Variants in CDKN3 observed in about 807,000 individuals in gnomAD.
The protein encoded by CDKN3 is cyclin dependent kinase inhibitor 3, also known as cyclin-dependent kinase inhibitor 3.
CDKN3 carries 19 observed loss-of-function variants against 36.1 expected under a neutral mutation model. The observed-to-expected ratio is 0.53, with a 90% CI of 0.37 to 0.77. CDKN3 has a LOEUF of 0.77. Among genes scored for constraint, CDKN3 ranks in the 30% least tolerant of loss-of-function variants. CDKN3 has a pLI of 0.00. For missense variants in CDKN3, 188 were observed against 248.6 expected (o/e 0.76, Z 1.64); for synonymous variants, 71 against 85.3 (o/e 0.83, Z 0.92).
Position 54,411,785 on chromosome 14 carries a change from T to C in CDKN3, c.416+79T>C, listed in dbSNP as rs4251638. 3 of 884,984 alleles carry C rather than the reference T, an allele frequency of 3.4e-6. No individual in the cohort carries two copies. The East Asian group carries it at 7.7e-5, about 23-fold the overall frequency. The allele number at this position is 884,984 out of a possible 1,614,324, so 54.8% of individuals were successfully genotyped here. A position where few individuals can be genotyped will look rare whatever the true frequency, so the allele number is the denominator to read the frequency against. On this transcript the variant is annotated intron_variant, in intron 5 of 7. Coordinates refer to ENST00000335183, the MANE Select transcript of CDKN3 (RefSeq NM_005192.4). The stretch of plus-strand genomic sequence containing the variant: ...CTGGAATTATGGTAGCCCTATTCAG[T>C]TATCACCTACTTCATAGTTTGTTGT...
At position 54,411,873 on chromosome 14, in the gene CDKN3, A is replaced by T. The variant is rs1248852733; in HGVS notation, c.416+167A>T. On this transcript the variant is annotated intron_variant, in intron 5 of 7. Transcript: ENST00000335183. ...GCACAATGTCTGGTACAGGGTAAGT[A>T]GTCAAATACGTGCTGTTATTACTTT... The T allele has an allele frequency of 6.0e-6, 4 of 668,384 alleles. No individual in the cohort carries two copies. In the African/African-American group the frequency reaches 7.2e-5, roughly 12 times the overall value. The allele number at this position is 668,384 out of a possible 1,614,324, so 41.4% of individuals were successfully genotyped here.
rs2030438250 is a variant in CDKN3 at position 54,413,742 on chromosome 14, T to TC, written c.416+2037dup. 3.6e-5 allele frequency: 55 copies of TC among 1,519,464 alleles called. No homozygotes were observed. In the South Asian group the frequency reaches 6.6e-4, roughly 18 times the overall value. 94.1% of individuals were successfully genotyped at this position (1,519,464 alleles called of 1,614,324 possible). On this transcript the variant is annotated intron_variant, in intron 5 of 7. Coordinates refer to ENST00000335183, the MANE Select transcript of CDKN3 (RefSeq NM_005192.4). Reference sequence around the variant, plus strand: ...GTAAACCTTTTTCACTGACCTGTTGTCTACCAGTGCTGTCTCACTGGTTCT... The same window carrying TC: ...GTAAACCTTTTTCACTGACCTGTTGTCCTACCAGTGCTGTCTCACTGGTTCT...
chr14:54,411,340 A>G (rs2139981131), intron 4 of CDKN3, 144 bp from the exon 5 acceptor site: 1 of 630,176 alleles, frequency 1.6e-6, no homozygotes, highest in Admixed American at 3.0e-5. Flanking sequence ...ATTCAGACAT[A>G]TCAATAGGCA....
At chr14:54,413,775 C>T in intron 5 of CDKN3, 1 of 1,443,320 alleles carries the variant, frequency 6.9e-7, no homozygotes, top group South Asian at 1.5e-5. Context: ...TCTGCCTGGA[C>T]ATTTGCAGCC....
rs375159416 is a variant in CDKN3 at position 54,418,076 on chromosome 14, T to G, written c.552+125T>G. 1.0e-4 allele frequency: 69 copies of G among 686,292 alleles called. No individual in the cohort carries two copies. In the African/African-American group the frequency reaches 1.0e-3, roughly 10 times the overall value. The allele number at this position is 686,292 out of a possible 1,614,324, so 42.5% of individuals were successfully genotyped here. A position where few individuals can be genotyped will look rare whatever the true frequency, so the allele number is the denominator to read the frequency against. ...GCAGTGAAATGAAAATCCAAAGCACTCTGTTATTCAAATACCACTTGCTTA... is the reference window on the plus strand; with the variant it reads ...GCAGTGAAATGAAAATCCAAAGCACGCTGTTATTCAAATACCACTTGCTTA... On this transcript the variant is annotated intron_variant, in intron 7 of 7. Coordinates refer to ENST00000335183, the MANE Select transcript of CDKN3 (RefSeq NM_005192.4).
At chr14:54,418,886 G>A (rs562793905) in intron 7 of CDKN3, among the ~76,000 whole-genome samples, 24 of 152,152 alleles carry the variant, frequency 1.6e-4, no homozygotes, top group African/African-American at 4.6e-4. Context: ...GCGGCCAGGC[G>A]CGGTGGCTCA....
At chr14:54,416,418 A>G (rs1055607623) in intron 6 of CDKN3, among the ~76,000 whole-genome samples, 3 of 152,254 alleles carry the variant, frequency 2.0e-5, no homozygotes, top group Admixed American at 6.5e-5. Flanking sequence ...AAAGAATACT[A>G]TCAAAATGAC....
intron 6 of CDKN3, among the ~76,000 whole-genome samples, chr14:54,416,895 A>G (rs543564230): frequency 1.3e-5 from 2 of 152,354 alleles, no homozygotes; most frequent in East Asian, 1.9e-4. Flanking sequence ...TTCTACATGC[A>G]AGATACACAT....
intron 3 of CDKN3, 138 bp downstream of exon 3, chr14:54,401,717 G>A: frequency 3.3e-6 from 2 of 601,768 alleles, no homozygotes; most frequent in East Asian, 3.0e-5. Flanking sequence ...AAATTTTGGT[G>A]CACCCATCAC....
chr14:54,405,815 T>C (rs1248566323), intron 3 of CDKN3, among the ~76,000 whole-genome samples: 1 of 152,246 alleles, frequency 6.6e-6, no homozygotes, highest in African/African-American at 2.4e-5. Flanking sequence ...TGTCTTTTAA[T>C]TGGGGCATTT....
chr14:54,407,366 G>A lies in CDKN3; in HGVS notation c.149-1379G>A, dbSNP rs4251616. 3.8e-3 allele frequency among the ~76,000 whole-genome samples: 584 copies of A among 152,334 alleles called. 5 individuals are homozygous for A. Among genetic ancestry groups the A allele is most frequent in the African/African-American group, 0.013 (532 of 41,572 alleles). On this transcript the variant is annotated intron_variant, in intron 3 of 7. Transcript: ENST00000335183. Reference sequence around the variant, plus strand: ...GGCAGTCTGTCCCTTAGCAAAGCTCGAGCACTGTGCTGGGAGATCTGTTGC... The same window carrying A: ...GGCAGTCTGTCCCTTAGCAAAGCTCAAGCACTGTGCTGGGAGATCTGTTGC...
intron 4 of CDKN3, among the ~76,000 whole-genome samples, chr14:54,410,958 C>G (rs559274528): frequency 5.7e-4 from 86 of 152,094 alleles, no homozygotes; most frequent in African/African-American, 2.0e-3. Flanking sequence ...GCGGGCAGAT[C>G]AACTGAGGTC....
At chr14:54,412,779 C>CA (rs2030404397) in intron 5 of CDKN3, 2 of 435,782 alleles carry the variant, frequency 4.6e-6, no homozygotes, top group South Asian at 3.2e-5. Context: ...GGAAACTGGA[C>CA]TTTGCCGTGC....
rs1014455265 is a variant in CDKN3 at position 54,397,189 on chromosome 14, C to T, written c.9+112C>T. ...CCTAGCCTGGTAGCAGTGCGACTGG[C>T]GCCGTAACCGTTCTGCGGGTCGGGG... On this transcript the variant is annotated intron_variant, in intron 1 of 7. Coordinates refer to ENST00000335183, the MANE Select transcript of CDKN3 (RefSeq NM_005192.4). 3.3e-6 allele frequency: 4 copies of T among 1,197,188 alleles called. No individual in the cohort carries two copies. The South Asian group carries it at 5.8e-5, about 17-fold the overall frequency. The allele number at this position is 1,197,188 out of a possible 1,614,324, so 74.2% of individuals were successfully genotyped here.
chr14:54,410,491 T>C (rs1171910253), intron 4 of CDKN3, among the ~76,000 whole-genome samples: 1 of 152,216 alleles, frequency 6.6e-6, no homozygotes, highest in Non-Finnish European at 1.5e-5. Context: ...TAGTTAATAT[T>C]GCCATAAAGA....
Position 54,397,011 on chromosome 14 carries a change from G to T in CDKN3, c.-58G>T, listed in dbSNP as rs1242507649. On this transcript the variant is annotated 5_prime_UTR_variant, in exon 1 of 8. Transcript: ENST00000335183. ...GGGCGCGGGCTCGGCCGGGGCACCG[G>T]TGAGTCGCCGGCGCTGCAGAGGGAG... The T allele has an allele frequency of 4.9e-6, 7 of 1,436,794 alleles. No homozygotes were observed. The highest frequency in any genetic ancestry group is 6.4e-6 in the Non-Finnish European group (7 of 1,091,578). The allele number at this position is 1,436,794 out of a possible 1,614,324, so 89.0% of individuals were successfully genotyped here.
rs776519440 is a variant in CDKN3, at chr14:54,417,876, T to C, written c.477T>C (p.Ser159=). The C allele has an allele frequency of 4.3e-5, 68 of 1,596,934 alleles. No individual in the cohort carries two copies. The highest frequency in any genetic ancestry group is 1.7e-4 in the Middle Eastern group (1 of 6,052). ...CTGCTTGTCTCCTACTATACCTGTC[T>C]GACACAATATCACCAGAGCAAGCCA... The part of the protein sequence containing the change: ...LVAACLLLYL[S]DTISPEQAID... Residue 159 remains serine (S), a synonymous_variant, in exon 7 of 8, where the codon TCT becomes TCC. Coordinates refer to ENST00000335183, the MANE Select transcript of CDKN3 (RefSeq NM_005192.4).
intron 1 of CDKN3, 75 bp from the exon 2 acceptor site, chr14:54,399,819 T>C (rs1206030049): frequency 1.3e-6 from 1 of 774,134 alleles, no homozygotes; most frequent in African/African-American, 1.7e-5. Context: ...TCAGTGTGTG[T>C]TTAGACAAGG....
At chr14:54,418,236 T>C in intron 7 of CDKN3, 1 of 702,380 alleles carries the variant, frequency 1.4e-6, no homozygotes, top group South Asian at 1.5e-5. Flanking sequence ...TCTCAGTTTT[T>C]GCCCCAGTCC....
Sources: gnomAD v4.1 joint callset for allele counts (sites outside exome capture counted in the v4.1 genomes callset) on GRCh38, gnomAD v4.1.1 for gene constraint, MANE v1.5 for transcripts, NCBI Gene and HGNC (gene_info 2026-07-23, HGNC 2026-07-21) for gene names.